The following SFXN5 variants were observed in gnomAD, a reference collection of about 807,000 sequenced individuals.
SFXN5 encodes the protein sideroflexin-5.
SFXN5 carries 43 observed loss-of-function variants against 50.2 expected under a neutral mutation model. That is an observed-to-expected ratio of 0.86 (90% CI 0.67 to 1.11). The LOEUF (loss-of-function observed/expected upper bound fraction) is 1.11, where lower values mean the gene tolerates loss of function less well. SFXN5 is among the 50% of genes least tolerant of loss of function. SFXN5 has a pLI of 0.00. For missense variants in SFXN5, 463 were observed against 454.1 expected, an observed-to-expected ratio of 1.02 and a Z score of -0.18; for synonymous variants, 203 against 185.8, an observed-to-expected ratio of 1.09 and a Z score of -0.75.
intron 2 of SFXN5, chr2:73,042,458 C>A (rs1679772122): frequency 1.3e-5 from 2 of 151,794 alleles, no homozygotes; most frequent in African/African-American, 4.8e-5. Flanking sequence ...ACTAAAAATA[C>A]AAAAATTAGC....
At chr2:73,032,982 C>T (rs1271436784) in intron 3 of SFXN5, among the ~76,000 whole-genome samples, 2 of 152,158 alleles carry the variant, frequency 1.3e-5, no homozygotes, top group South Asian at 4.1e-4. Flanking sequence ...AGGGACTCTT[C>T]GCCTAGTTCT....
intron 6 of SFXN5, among the ~76,000 whole-genome samples, chr2:73,002,821 A>C (rs1182308186): frequency 6.6e-6 from 1 of 151,824 alleles, no homozygotes; most frequent in Non-Finnish European, 1.5e-5. Flanking sequence ...TTTTCTTTGC[A>C]GTGGCAGCTT....
intron 3 of SFXN5, among the ~76,000 whole-genome samples, chr2:73,026,757 TCA>T (rs1376572042): frequency 6.6e-6 from 1 of 152,018 alleles, no homozygotes; most frequent in Non-Finnish European, 1.5e-5. Context: ...AGATGGAGTT[TCA>T]CTCTTGTTGC....
At chr2:73,052,443 T>C (rs1362736597) in intron 2 of SFXN5, among the ~76,000 whole-genome samples, 1 of 152,058 alleles carries the variant, frequency 6.6e-6, no homozygotes, top group Admixed American at 6.6e-5. Flanking sequence ...CATAGTTCTT[T>C]GTCTTTTCCC....
intron 3 of SFXN5, among the ~76,000 whole-genome samples, chr2:73,025,364 G>A (rs1234522646): frequency 6.6e-6 from 1 of 152,110 alleles, no homozygotes; most frequent in Non-Finnish European, 1.5e-5. Flanking sequence ...GCAGGAACTG[G>A]CTTTTCAGCA....
chr2:72,971,418 C>A (rs933518158), intron 11 of SFXN5, 152 bp downstream of exon 11: 3 of 574,664 alleles, frequency 5.2e-6, no homozygotes, highest in Non-Finnish European at 9.3e-6. Context: ...CAGACTCATG[C>A]AGATTGGAGG....
chr2:73,005,401 G>T (rs1185862627), intron 6 of SFXN5, among the ~76,000 whole-genome samples: 1 of 152,180 alleles, frequency 6.6e-6, no homozygotes, highest in Non-Finnish European at 1.5e-5. Context: ...TCAAATGCTG[G>T]TGCCAGCATT....
intron 10 of SFXN5, among the ~76,000 whole-genome samples, chr2:72,976,964 G>A (rs1227766304): frequency 2.6e-5 from 4 of 152,152 alleles, no homozygotes; most frequent in East Asian, 1.9e-4. Context: ...ACCCCCGCCC[G>A]AGATTAATCC....
At chr2:72,998,697 T>C (rs1169996478) in intron 9 of SFXN5, 4 of 531,462 alleles carry the variant, frequency 7.5e-6, no homozygotes, top group African/African-American at 3.8e-5. Flanking sequence ...TCAAGACAGA[T>C]GTCCTGCCTC....
rs1232464786 is a variant in SFXN5, at chr2:72,961,313, C to G, written c.828-65G>C. 9.7e-6 allele frequency: 11 copies of G among 1,134,962 alleles called. No individual in the cohort carries two copies. Among genetic ancestry groups the G allele is most frequent in the Admixed American group, 2.7e-5 (1 of 36,412 alleles). The allele number at this position is 1,134,962 out of a possible 1,614,324, so 70.3% of individuals were successfully genotyped here. ...GTGGGGTGGGCTGGCTGCCAGCCAC[C>G]ATGCTGGGTCCCACTCTGTCTCTGG... On this transcript the variant is annotated intron_variant, in intron 12 of 13. Transcript: ENST00000272433. The surrounding 1 kb of genome is among the most constrained non-coding windows in gnomAD (Gnocchi z 4.4).
At chr2:73,067,416 C>A (rs1474844432) in intron 1 of SFXN5, among the ~76,000 whole-genome samples, 1 of 152,128 alleles carries the variant, frequency 6.6e-6, no homozygotes, top group Non-Finnish European at 1.5e-5. Flanking sequence ...TCAATGAAGT[C>A]TGGAGTGTAG....
chr2:73,055,605 T>C (rs1461190458), intron 2 of SFXN5, among the ~76,000 whole-genome samples: 2 of 148,834 alleles, frequency 1.3e-5, no homozygotes, highest in East Asian at 3.9e-4. Flanking sequence ...TTTCTTTTTT[T>C]TTTTTTTTTT....
At chr2:72,984,321 C>T (rs1671644455) in intron 10 of SFXN5, among the ~76,000 whole-genome samples, 1 of 152,240 alleles carries the variant, frequency 6.6e-6, no homozygotes, top group Non-Finnish European at 1.5e-5. Flanking sequence ...AGCACATGTG[C>T]CTGCACATGC....
chr2:73,071,576 G>T (rs1445805106), intron 1 of SFXN5, 28 bp downstream of exon 1: 1 of 1,603,906 alleles, frequency 6.2e-7, no homozygotes, highest in South Asian at 1.1e-5. Flanking sequence ...GCCACCCGCC[G>T]GCCCGCAGAC....
chr2:73,060,949 C>A (rs544014683), intron 1 of SFXN5, among the ~76,000 whole-genome samples: 2 of 152,032 alleles, frequency 1.3e-5, no homozygotes, highest in South Asian at 2.1e-4. Flanking sequence ...GATCTGCCCA[C>A]CTCGGCCTCC....
intron 9 of SFXN5, chr2:72,997,262 C>T (rs1372315251): frequency 6.6e-6 from 1 of 152,192 alleles, no homozygotes; most frequent in Non-Finnish European, 1.5e-5. Context: ...CCCCAAGTCC[C>T]TCCTTTAGAA....
At chr2:73,059,964 A>C in intron 1 of SFXN5, 1 of 714,610 alleles carries the variant, frequency 1.4e-6, no homozygotes, top group Non-Finnish European at 1.7e-6. Flanking sequence ...ACTGAATACT[A>C]TGCAGCCTTT....
chr2:72,989,874 G>A (rs1441478255), intron 9 of SFXN5, among the ~76,000 whole-genome samples: 1 of 152,236 alleles, frequency 6.6e-6, no homozygotes, highest in African/African-American at 2.4e-5. Flanking sequence ...AAGCGTGGGA[G>A]GAGCCGTGGC....
rs540735987 is a variant in SFXN5, at chr2:72,990,561, C to T, written c.535-2213G>A. Among the ~76,000 whole-genome samples the T allele has an allele frequency of 2.0e-3, 309 of 152,306 alleles. 2 individuals are homozygous for T. Among genetic ancestry groups the T allele is most frequent in the African/African-American group, 7.2e-3 (300 of 41,576 alleles). ...CTCAGTGAGCACTTCCTACGTGAGG[C>T]CACTCAGCACATATTCACATGAAAT... On this transcript the variant is annotated intron_variant, in intron 9 of 13. Transcript: ENST00000272433.
Sources: allele counts gnomAD v4.1 joint callset (sites outside exome capture counted in the v4.1 genomes callset), GRCh38; gene constraint gnomAD v4.1.1; non-coding constraint Gnocchi (gnomAD v3.1); transcripts MANE v1.5; gene names NCBI Gene and HGNC (gene_info 2026-07-23, HGNC 2026-07-21).